The following GABRP variants were observed in gnomAD, a reference collection of about 807,000 sequenced individuals.
The protein encoded by GABRP is gamma-aminobutyric acid receptor subunit pi.
A neutral mutation model predicts 47.8 loss-of-function variants in GABRP; 52 were observed. That is an observed-to-expected ratio of 1.09 (90% CI 0.87 to 1.37). GABRP has a LOEUF of 1.37. Ranked by LOEUF, GABRP falls within the 40% of genes most tolerant of loss-of-function variation. The probability of loss-of-function intolerance (pLI) is 0.00; values close to 1 mark genes in which losing one functional copy is unlikely to be tolerated. For missense variants in GABRP, 525 were observed against 542.8 expected (o/e 0.97, Z 0.33); for synonymous variants, 221 against 205.8 (o/e 1.07, Z -0.63).
At chr5:170,801,218 C>T (rs937511842) in intron 6 of GABRP, among the ~76,000 whole-genome samples, 1 of 152,182 alleles carries the variant, frequency 6.6e-6, no homozygotes, top group African/African-American at 2.4e-5. Context: ...ACTCTAATAG[C>T]CCTTCCACTG....
chr5:170,812,055 T>G lies in GABRP; in HGVS notation c.1120T>G (p.Ser374Ala). 1 of 1,614,210 alleles carries G rather than the reference T, an allele frequency of 6.2e-7. No homozygotes were observed. Among genetic ancestry groups the G allele is most frequent in the South Asian group, 1.1e-5 (1 of 91,084 alleles). The change falls in exon 10 of 10, where the codon TCC becomes GCC. Residue 374 changes from serine (S) to alanine (A), a missense_variant. Coordinates refer to ENST00000265294, the MANE Select transcript of GABRP (RefSeq NM_014211.3). ...RKISFASIEISSDNVDYSDLT... is the reference protein window; with the variant it reads ...RKISFASIEIASDNVDYSDLT... ...GATCAGCTTTGCCAGCATTGAAATT[T>G]CCAGCGACAACGTTGACTACAGTGA...
chr5:170,805,769 G>A lies in GABRP; in HGVS notation c.595G>A (p.Val199Met), dbSNP rs1387548005. ...CACCTGGCTGAGAGGGAACGACTCTGTGCGTGGACTGGAACACCTGCGGCT... is the reference window on the plus strand; with the variant it reads ...CACCTGGCTGAGAGGGAACGACTCTATGCGTGGACTGGAACACCTGCGGCT... ...EFTWLRGNDS[V>M]RGLEHLRLAQ... The change falls in exon 7 of 10, where the codon GTG becomes ATG. Residue 199 changes from valine to methionine, a missense_variant. Physicochemically the swap from Val to Met is conservative, Grantham distance 21 (BLOSUM62 1). Coordinates refer to ENST00000265294, the MANE Select transcript of GABRP (RefSeq NM_014211.3). The A allele has an allele frequency of 6.2e-6, 10 of 1,614,204 alleles. No homozygotes were observed. The highest frequency in any genetic ancestry group is 1.7e-5 in the Admixed American group (1 of 60,018).
rs141196618 is a variant in GABRP, at chr5:170,812,547, C to T, written c.*289C>T. ...ACAAATGTACTCAGGGCTGTTTATT[C>T]GGTGGCTCCCTGGTTTGCATTTACC... On this transcript the variant is annotated 3_prime_UTR_variant, in exon 10 of 10. Transcript: ENST00000265294. The T allele has an allele frequency of 2.3e-3, 719 of 311,184 alleles. 7 individuals are homozygous for T. The highest frequency in any genetic ancestry group is 0.014 in the African/African-American group (672 of 47,680). The allele number at this position is 311,184 out of a possible 1,614,324, so 19.3% of individuals were successfully genotyped here.
chr5:170,808,787 G>A (rs750908057), intron 8 of GABRP, 35 bp downstream of exon 8: 1 of 1,595,238 alleles, frequency 6.3e-7, no homozygotes, highest in Non-Finnish European at 8.6e-7. Flanking sequence ...CTAAGAACTG[G>A]CTTATCAGGT....
Position 170,812,166 on chromosome 5 carries a change from C to T in GABRP, c.1231C>T (p.Pro411Ser). 1 of 1,613,786 alleles carries T rather than the reference C, an allele frequency of 6.2e-7. No individual in the cohort carries two copies. The highest frequency in any genetic ancestry group is 8.5e-7 in the Non-Finnish European group (1 of 1,179,834). ...TGTTGATTATTTCACAATTCAAAACCCCAGTAATGTTGATCACTATTCCAA... is the reference window on the plus strand; with the variant it reads ...TGTTGATTATTTCACAATTCAAAACTCCAGTAATGTTGATCACTATTCCAA... ...RIVDYFTIQN[P>S]SNVDHYSKLL... The change falls in exon 10 of 10, where the codon CCC becomes TCC. Residue 411 changes from proline to serine, a missense_variant. Coordinates refer to ENST00000265294, the MANE Select transcript of GABRP (RefSeq NM_014211.3).
intron 7 of GABRP, among the ~76,000 whole-genome samples, chr5:170,807,009 C>T (rs913509026): frequency 2.0e-5 from 3 of 151,864 alleles, no homozygotes; most frequent in Non-Finnish European, 2.9e-5. Context: ...AGTGCAGTGG[C>T]GCAATCTCAG....
At chr5:170,799,994 TAAA>T (rs1166999816) in intron 6 of GABRP, among the ~76,000 whole-genome samples, 1 of 152,152 alleles carries the variant, frequency 6.6e-6, no homozygotes, top group African/African-American at 2.4e-5. Context: ...AAAACTACTT[TAAA>T]GTTCATATGG....
chr5:170,812,381 G>A lies in GABRP; in HGVS notation c.*123G>A. The A allele has an allele frequency of 2.7e-6, 2 of 738,546 alleles. No individual in the cohort carries two copies. Among genetic ancestry groups the A allele is most frequent in the Admixed American group, 2.7e-5 (1 of 37,540 alleles). 45.7% of individuals were successfully genotyped at this position (738,546 alleles called of 1,614,324 possible). A position where few individuals can be genotyped will look rare whatever the true frequency, so the allele number is the denominator to read the frequency against. ...GCTACAAGTGACTGAAATAATATTT[G>A]AGTCTTTCTGCTCAAAGAATGAAGC... On this transcript the variant is annotated 3_prime_UTR_variant, in exon 10 of 10. Coordinates refer to ENST00000265294, the MANE Select transcript of GABRP (RefSeq NM_014211.3).
intron 4 of GABRP, among the ~76,000 whole-genome samples, chr5:170,794,825 G>T (rs748504828): frequency 6.6e-6 from 1 of 151,784 alleles, no homozygotes. Context: ...TAAGCACTTA[G>T]CCCACCAAAA....
chr5:170,801,855 T>TGG (rs11286876), intron 6 of GABRP, among the ~76,000 whole-genome samples: 36 of 142,300 alleles, frequency 2.5e-4, no homozygotes, highest in Admixed American at 6.5e-4. Flanking sequence ...TGAAAAGTAA[T>TGG]GGGGGGGGGG....
intron 1 of GABRP, chr5:170,788,364 TAA>T (rs11306016): frequency 0.075 from 25,521 of 339,082 alleles, 790 homozygotes; most frequent in African/African-American, 0.14. Context: ...AATAAAAAAT[TAA>T]AAAAAAAAAA....
intron 6 of GABRP, among the ~76,000 whole-genome samples, chr5:170,804,185 CAT>C (rs70982304): frequency 0.18 from 27,271 of 148,730 alleles, 2,858 homozygotes; most frequent in Non-Finnish European, 0.25. Context: ...TCTTTGTATG[CAT>C]ATATATATAT....
chr5:170,804,781 G>A (rs538575682), intron 6 of GABRP, among the ~76,000 whole-genome samples: 1 of 151,978 alleles, frequency 6.6e-6, no homozygotes, highest in Admixed American at 6.6e-5. Context: ...CTTTCCTAAG[G>A]TAACTTTGTT....
rs779563126 is a variant in GABRP, at chr5:170,808,691, G to A, written c.771G>A (p.Val257=). 1.2e-6 allele frequency: 2 copies of A among 1,614,092 alleles called. No individual in the cohort carries two copies. Among genetic ancestry groups the A allele is most frequent in the South Asian group, 2.2e-5 (2 of 91,076 alleles). ...LETYVPSTFL[V]VLSWVSFWIS... ...CCTACGTTCCTTCCACTTTCCTGGT[G>A]GTGTTGTCCTGGGTTTCATTTTGGA... The change falls in exon 8 of 10, where the codon GTG becomes GTA. Residue 257 remains valine, a synonymous_variant. Coordinates refer to ENST00000265294, the MANE Select transcript of GABRP (RefSeq NM_014211.3).
rs1407736431 is a variant in GABRP, at chr5:170,812,577, AT to A, written c.*320del. On this transcript the variant is annotated 3_prime_UTR_variant, in exon 10 of 10. Transcript: ENST00000265294. ...GCTCCCTGGTTTGCATTTACCTCATATAAAGAATGGGAAGGAGACCATTGGG... is the reference window on the plus strand; with the variant it reads ...GCTCCCTGGTTTGCATTTACCTCATAAAAGAATGGGAAGGAGACCATTGGG... 2 of 250,496 alleles carry A rather than the reference AT, an allele frequency of 8.0e-6. No homozygotes were observed. The highest frequency in any genetic ancestry group is 1.6e-4 in the East Asian group (2 of 12,632). 15.5% of individuals were successfully genotyped at this position (250,496 alleles called of 1,614,324 possible). A position where few individuals can be genotyped will look rare whatever the true frequency, so the allele number is the denominator to read the frequency against.
At chr5:170,788,691 T>G in intron 2 of GABRP, 23 bp downstream of exon 2, 1 of 1,612,432 alleles carries the variant, frequency 6.2e-7, no homozygotes, top group Non-Finnish European at 8.5e-7. Context: ...ACCCCCAGAA[T>G]GGCCTCCATC....
intron 7 of GABRP, 96 bp downstream of exon 7, chr5:170,805,949 C>A: frequency 7.3e-7 from 1 of 1,377,708 alleles, no homozygotes; most frequent in East Asian, 2.3e-5. Context: ...ACTTTACCTC[C>A]TTGGGATGCA....
At chr5:170,807,867 C>T (rs558345511) in intron 7 of GABRP, among the ~76,000 whole-genome samples, 1 of 152,254 alleles carries the variant, frequency 6.6e-6, no homozygotes, top group South Asian at 2.1e-4. Context: ...TCCCCAACAA[C>T]AATCTAAGCC....
chr5:170,809,121 G>C (rs1306441581), intron 8 of GABRP, among the ~76,000 whole-genome samples: 1 of 152,084 alleles, frequency 6.6e-6, no homozygotes, highest in Non-Finnish European at 1.5e-5. Flanking sequence ...ATTTTTAGTA[G>C]AGATGGGGTT....
Sources: allele counts gnomAD v4.1 joint callset (sites outside exome capture counted in the v4.1 genomes callset), GRCh38; gene constraint gnomAD v4.1.1; transcripts MANE v1.5; gene names NCBI Gene and HGNC (gene_info 2026-07-23, HGNC 2026-07-21).